Variants in TMEM266 observed in about 807,000 individuals in gnomAD.
TMEM266 encodes the protein transmembrane protein 266, also known as Hv1 related protein 1.
Under a neutral mutation model 50.5 loss-of-function variants are expected in TMEM266, and 33 were observed. The observed-to-expected ratio is 0.65, with a 90% CI of 0.50 to 0.87. TMEM266 has a LOEUF of 0.87. Among genes scored for constraint, TMEM266 ranks in the 40% least tolerant of loss-of-function variants. The probability of loss-of-function intolerance (pLI) is 0.00; values close to 1 mark genes in which losing one functional copy is unlikely to be tolerated. For synonymous variants in TMEM266, 310 were observed against 292.3 expected (o/e 1.06, Z -0.62); for missense variants, 655 against 695.1 (o/e 0.94, Z 0.65).
intron 1 of TMEM266, among the ~76,000 whole-genome samples, chr15:76,086,919 G>T (rs944885627): frequency 4.1e-5 from 3 of 73,650 alleles, no homozygotes; most frequent in Non-Finnish European, 8.8e-5. Context: ...GCAGAAAAAG[G>T]GAGCAGGTCG....
chr15:76,204,407 C>T lies in TMEM266; in HGVS notation c.*92C>T. The T allele has an allele frequency of 7.8e-7, 1 of 1,289,972 alleles. No individual in the cohort carries two copies. The highest frequency in any genetic ancestry group is 1.5e-5 in the South Asian group (1 of 66,538). 79.9% of individuals were successfully genotyped at this position (1,289,972 alleles called of 1,614,324 possible). On this transcript the variant is annotated 3_prime_UTR_variant, in exon 11 of 11. Transcript: ENST00000388942. Reference sequence around the variant, plus strand: ...GCTGCCAAGGGCCACACGCGGGGCCCAGGAGCCCACCTGGCCTCCCTCAGG... The same window carrying T: ...GCTGCCAAGGGCCACACGCGGGGCCTAGGAGCCCACCTGGCCTCCCTCAGG...
At chr15:76,140,218 G>C (rs937191134) in intron 3 of TMEM266, among the ~76,000 whole-genome samples, 7 of 152,196 alleles carry the variant, frequency 4.6e-5, no homozygotes, top group Non-Finnish European at 8.8e-5. Flanking sequence ...GCTCTCAGCT[G>C]GGGGCGCCGA....
intron 9 of TMEM266, among the ~76,000 whole-genome samples, chr15:76,200,587 G>A (rs1415476882): frequency 2.6e-5 from 4 of 152,170 alleles, no homozygotes; most frequent in Non-Finnish European, 4.4e-5. Context: ...CACATCACAT[G>A]GCCCTCTGGA....
chr15:76,115,382 T>C (rs1024809674), intron 1 of TMEM266, among the ~76,000 whole-genome samples: 1 of 152,232 alleles, frequency 6.6e-6, no homozygotes, highest in Non-Finnish European at 1.5e-5. Context: ...CTTAGGTTCA[T>C]TTTCAGATGT....
At chr15:76,107,445 A>C (rs893464186) in intron 1 of TMEM266, among the ~76,000 whole-genome samples, 2 of 152,208 alleles carry the variant, frequency 1.3e-5, no homozygotes, top group African/African-American at 4.8e-5. Flanking sequence ...CCTTACACTT[A>C]CATTCTAATC....
chr15:76,115,187 G>T (rs953190726), intron 1 of TMEM266, among the ~76,000 whole-genome samples: 1 of 152,040 alleles, frequency 6.6e-6, no homozygotes, highest in East Asian at 1.9e-4. Flanking sequence ...CCTCAAGAAC[G>T]CCACCTCCCT....
At chr15:76,201,940 G>C (rs542312850) in intron 9 of TMEM266, among the ~76,000 whole-genome samples, 1 of 152,358 alleles carries the variant, frequency 6.6e-6, no homozygotes, top group Non-Finnish European at 1.5e-5. Flanking sequence ...ACTGGGGACA[G>C]AGGGGAAGGG....
rs556969238 is a variant in TMEM266 at position 76,165,611 on chromosome 15, C to CCTGGGG, written c.457-4190_457-4185dup. On this transcript the variant is annotated intron_variant, in intron 5 of 10. Transcript: ENST00000388942. ...GGGGCCAGTATTGCAAGGCCACGGC[C>CCTGGGG]CTGGGGCTGGGGCTGGGGCTATGGC... Among the ~76,000 whole-genome samples, 288 of 152,294 alleles carry CCTGGGG rather than the reference C, an allele frequency of 1.9e-3. 2 individuals carry two copies. The highest frequency in any genetic ancestry group is 0.011 in the South Asian group (52 of 4,828).
intron 4 of TMEM266, 21 bp downstream of exon 4, chr15:76,156,779 A>G: frequency 1.9e-6 from 3 of 1,609,128 alleles, no homozygotes; most frequent in South Asian, 1.1e-5. Flanking sequence ...AGAGAGATAC[A>G]TATGCCAATA....
chr15:76,120,044 T>C (rs2037316646), intron 1 of TMEM266, among the ~76,000 whole-genome samples: 1 of 152,212 alleles, frequency 6.6e-6, no homozygotes, highest in East Asian at 1.9e-4. Flanking sequence ...GAAGTGTGAA[T>C]TGTTAAAGCC....
chr15:76,170,929 G>T, intron 6 of TMEM266, 64 bp from the exon 7 acceptor site: 3 of 1,535,554 alleles, frequency 2.0e-6, no homozygotes, highest in South Asian at 1.2e-5. Flanking sequence ...TGCTTTGCCT[G>T]ACTGACCCCT....
chr15:76,121,760 T>A (rs1452774118), intron 1 of TMEM266, among the ~76,000 whole-genome samples: 1 of 152,192 alleles, frequency 6.6e-6, no homozygotes, highest in Non-Finnish European at 1.5e-5. Flanking sequence ...AAGGAGATTG[T>A]GCCTGCCAGC....
Position 76,071,699 on chromosome 15 carries a change from T to C in TMEM266, c.-97+11683T>C, listed in dbSNP as rs908370204. 2.0e-5 allele frequency among the ~76,000 whole-genome samples: 3 copies of C among 152,138 alleles called. No homozygotes were observed. In the East Asian group the frequency reaches 5.8e-4, roughly 29 times the overall value. On this transcript the variant is annotated intron_variant, in intron 1 of 10. Transcript: ENST00000388942. ...TGTGAAGACTTTTGCCCCTTTACTC[T>C]ACTCTTTGGTTCCCACCAGCCCCAC...
At chr15:76,182,053 C>T (rs1231047971) in intron 8 of TMEM266, among the ~76,000 whole-genome samples, 1 of 152,178 alleles carries the variant, frequency 6.6e-6, no homozygotes, top group Non-Finnish European at 1.5e-5. Context: ...GACTCAAGGT[C>T]CAGCCTCCAA....
At chr15:76,159,296 C>T (rs1165366716) in intron 4 of TMEM266, among the ~76,000 whole-genome samples, 1 of 152,186 alleles carries the variant, frequency 6.6e-6, no homozygotes. Context: ...CCATGCCATG[C>T]CAGGGTTCAA....
chr15:76,123,918 G>A (rs953342232), intron 1 of TMEM266, among the ~76,000 whole-genome samples: 1 of 152,102 alleles, frequency 6.6e-6, no homozygotes, highest in Non-Finnish European at 1.5e-5. Context: ...TCGCCATGTC[G>A]GCCAGGCTGG....
intron 8 of TMEM266, among the ~76,000 whole-genome samples, chr15:76,184,996 C>T (rs916955400): frequency 1.3e-5 from 2 of 152,166 alleles, no homozygotes; most frequent in Non-Finnish European, 2.9e-5. Flanking sequence ...CACTGTGCAC[C>T]TTCTTTTCCT....
At chr15:76,084,954 T>A (rs563592960) in intron 1 of TMEM266, among the ~76,000 whole-genome samples, 3 of 150,456 alleles carry the variant, frequency 2.0e-5, no homozygotes, top group Non-Finnish European at 3.0e-5. Flanking sequence ...TTCTTTTTCT[T>A]TTTCCTTTTT....
intron 1 of TMEM266, among the ~76,000 whole-genome samples, chr15:76,118,697 A>G (rs977361238): frequency 5.9e-5 from 9 of 152,198 alleles, no homozygotes; most frequent in Non-Finnish European, 1.2e-4. Flanking sequence ...TAAAATTGCC[A>G]TCAGTGATGT....
Sources: gnomAD v4.1 joint callset for allele counts (sites outside exome capture counted in the v4.1 genomes callset) on GRCh38, gnomAD v4.1.1 for gene constraint, MANE v1.5 for transcripts, NCBI Gene and HGNC (gene_info 2026-07-23, HGNC 2026-07-21) for gene names.